Variants in SLC35F4 observed in about 807,000 individuals in gnomAD.
SLC35F4 encodes the protein solute carrier family 35 member F4, also known as chromosome 14 open reading frame 36.
Under a neutral mutation model 44.2 loss-of-function variants are expected in SLC35F4, and 24 were observed. That is an observed-to-expected ratio of 0.54 (90% CI 0.39 to 0.76). The LOEUF is 0.76. Ranked by LOEUF, SLC35F4 falls within the 30% of genes least tolerant of loss-of-function variation. SLC35F4 has a pLI of 0.00. For synonymous variants in SLC35F4, 238 were observed against 223.6 expected (o/e 1.06, Z -0.57); for missense variants, 562 against 586.1 (o/e 0.96, Z 0.42).
intron 4 of SLC35F4, among the ~76,000 whole-genome samples, chr14:57,580,836 CAACATATGTTGATTGAAA>C (rs1439551829): frequency 6.6e-6 from 1 of 152,136 alleles, no homozygotes; most frequent in Non-Finnish European, 1.5e-5. Flanking sequence ...GGGGTCATCT[CAACATATGTTGATTGAAA>C]AATGCAAACC....
chr14:57,865,226 G>A (rs1888036235), intron 1 of SLC35F4, among the ~76,000 whole-genome samples: 1 of 152,072 alleles, frequency 6.6e-6, no homozygotes, highest in African/African-American at 2.4e-5. Flanking sequence ...CGGAGTGAAC[G>A]AGCTGACCCC....
chr14:57,897,256 G>A (rs1377436371), intron 1 of SLC35F4, among the ~76,000 whole-genome samples: 1 of 152,008 alleles, frequency 6.6e-6, no homozygotes, highest in Non-Finnish European at 1.5e-5. Flanking sequence ...CCCTGATAGG[G>A]TTAAAGCTCC....
intron 1 of SLC35F4, among the ~76,000 whole-genome samples, chr14:57,670,519 C>G (rs1379556973): frequency 2.0e-5 from 3 of 151,914 alleles, no homozygotes; most frequent in Admixed American, 2.0e-4. Context: ...CCCACTGATT[C>G]TGGTATGTTG....
At chr14:57,782,740 ATC>A (rs1002879120) in intron 1 of SLC35F4, among the ~76,000 whole-genome samples, 1 of 152,216 alleles carries the variant, frequency 6.6e-6, no homozygotes, top group African/African-American at 2.4e-5. Flanking sequence ...TAAAAAACTG[ATC>A]TCTCCCAGTT....
At chr14:57,908,826 G>A (rs1363710245) in intron 1 of SLC35F4, among the ~76,000 whole-genome samples, 1 of 152,160 alleles carries the variant, frequency 6.6e-6, no homozygotes, top group Admixed American at 6.5e-5. Context: ...TGTTGCCATT[G>A]TTTTTGGCGT....
chr14:57,578,236 C>CAACA (rs1349928878), intron 4 of SLC35F4, among the ~76,000 whole-genome samples: 1 of 148,186 alleles, frequency 6.7e-6, no homozygotes, highest in Admixed American at 6.8e-5. Context: ...AATTATAATC[C>CAACA]AACAAACATC....
chr14:57,732,174 CT>C (rs2076359506), intron 1 of SLC35F4, among the ~76,000 whole-genome samples: 1 of 152,082 alleles, frequency 6.6e-6, no homozygotes, highest in African/African-American at 2.4e-5. Flanking sequence ...CTGTTTTGAG[CT>C]TTATTTTTTG....
At chr14:57,579,210 C>G (rs370913487) in intron 4 of SLC35F4, among the ~76,000 whole-genome samples, 1 of 152,086 alleles carries the variant, frequency 6.6e-6, no homozygotes, top group African/African-American at 2.4e-5. Flanking sequence ...CTGCAAGGAC[C>G]CTTTATCCAA....
intron 1 of SLC35F4, among the ~76,000 whole-genome samples, chr14:57,848,433 CT>C (rs1037749340): frequency 6.6e-6 from 1 of 152,194 alleles, no homozygotes; most frequent in African/African-American, 2.4e-5. Context: ...TTCTTTCCTA[CT>C]TGACTGTCAG....
chr14:57,751,101 A>C (rs1167371041), intron 1 of SLC35F4, among the ~76,000 whole-genome samples: 1 of 152,192 alleles, frequency 6.6e-6, no homozygotes, highest in African/African-American at 2.4e-5. Context: ...CTTTATGTAA[A>C]TTATTTCATT....
At chr14:57,875,477 C>A (rs1018842997) in intron 1 of SLC35F4, among the ~76,000 whole-genome samples, 1 of 152,204 alleles carries the variant, frequency 6.6e-6, no homozygotes, top group Admixed American at 6.5e-5. Flanking sequence ...CATGGTTCTA[C>A]TAATCTGGCC....
chr14:57,957,268 AT>A (rs1359903778), intron 1 of SLC35F4, among the ~76,000 whole-genome samples: 1 of 152,064 alleles, frequency 6.6e-6, no homozygotes, highest in Admixed American at 6.6e-5. Flanking sequence ...GGAGGGGAAT[AT>A]CACACACCGG....
intron 1 of SLC35F4, among the ~76,000 whole-genome samples, chr14:57,647,106 G>C (rs1391015607): frequency 6.6e-6 from 1 of 152,104 alleles, no homozygotes; most frequent in Non-Finnish European, 1.5e-5. Flanking sequence ...CTGTTGACTT[G>C]GGGTGGAGAG....
intron 1 of SLC35F4, among the ~76,000 whole-genome samples, chr14:57,785,829 G>A (rs1427340618): frequency 6.6e-6 from 1 of 152,128 alleles, no homozygotes; most frequent in Non-Finnish European, 1.5e-5. Context: ...TTGGGAGGGT[G>A]GCCAGAGAAG....
chr14:57,911,048 GTTTTAA>G (rs1271572574), intron 1 of SLC35F4, among the ~76,000 whole-genome samples: 2 of 152,050 alleles, frequency 1.3e-5, no homozygotes, highest in African/African-American at 2.4e-5. Flanking sequence ...ATTGTAATGT[GTTTTAA>G]TTTTAAGTTC....
intron 1 of SLC35F4, among the ~76,000 whole-genome samples, chr14:57,906,405 C>T (rs894817134): frequency 6.6e-6 from 1 of 152,264 alleles, no homozygotes; most frequent in South Asian, 2.1e-4. Context: ...TACAGAAATG[C>T]CCCATTCTTT....
At chr14:57,967,224 G>T (rs7145987) in intron 1 of SLC35F4, among the ~76,000 whole-genome samples, 71,838 of 151,874 alleles carry the variant, frequency 0.47, 18,873 homozygotes, top group East Asian at 0.76. Context: ...ACAATTTTAA[G>T]GAAATTTTTA....
intron 1 of SLC35F4, among the ~76,000 whole-genome samples, chr14:57,801,915 G>T (rs887095013): frequency 6.6e-6 from 1 of 152,160 alleles, no homozygotes; most frequent in Non-Finnish European, 1.5e-5. Flanking sequence ...GACAATGTTA[G>T]ATCATAGAAA....
At chr14:57,592,926 T>C (rs1029566570) in intron 2 of SLC35F4, among the ~76,000 whole-genome samples, 86 of 152,038 alleles carry the variant, frequency 5.7e-4, no homozygotes, top group African/African-American at 2.0e-3. Flanking sequence ...TTTTTGAGGA[T>C]GAAAGAGATT....
Sources: allele counts gnomAD v4.1 joint callset (sites outside exome capture counted in the v4.1 genomes callset), GRCh38; gene constraint gnomAD v4.1.1; transcripts MANE v1.5; gene names NCBI Gene and HGNC (gene_info 2026-07-23, HGNC 2026-07-21).